The following CRYBG1 variants were observed in gnomAD, a reference collection of about 807,000 sequenced individuals.
CRYBG1 encodes beta/gamma crystallin domain-containing protein 1.
In CRYBG1, 139 loss-of-function variants were observed where a neutral mutation model predicts 189.2. The observed-to-expected ratio is 0.73, with a 90% CI of 0.64 to 0.85. The LOEUF is 0.85. Ranked by LOEUF, CRYBG1 falls within the 40% of genes least tolerant of loss-of-function variation. CRYBG1 has a pLI of 0.00. For missense variants in CRYBG1, 2,611 were observed against 2,675.8 expected, an observed-to-expected ratio of 0.98 and a Z score of 0.53; for synonymous variants, 1,023 against 1,017.1, an observed-to-expected ratio of 1.01 and a Z score of -0.11.
chr6:106,481,240 C>T lies in CRYBG1; in HGVS notation c.312+29408C>T, dbSNP rs1772447144. ...CCGCCCGCCTCGGCCTCCCAAAGTGCTGGGATTACAGGCGTGAGCCACCGC... is the reference window on the plus strand; with the variant it reads ...CCGCCCGCCTCGGCCTCCCAAAGTGTTGGGATTACAGGCGTGAGCCACCGC... On this transcript the variant is annotated intron_variant, in intron 2 of 21. Transcript: ENST00000633556. Among the ~76,000 whole-genome samples, 2 of 58,844 alleles carry T rather than the reference C, an allele frequency of 3.4e-5. 1 individual carries two copies. Among genetic ancestry groups the T allele is most frequent in the South Asian group, 8.2e-4 (2 of 2,430 alleles). 38.6% of individuals were successfully genotyped at this position (58,844 alleles called of 152,430 possible).
intron 8 of CRYBG1, among the ~76,000 whole-genome samples, chr6:106,534,177 G>A (rs1773937692): frequency 1.3e-5 from 2 of 152,172 alleles, no homozygotes; most frequent in South Asian, 4.1e-4. Flanking sequence ...AAGGTGCCAT[G>A]ACTCAGGCTT....
chr6:106,525,988 A>C (rs1280776691), intron 6 of CRYBG1, among the ~76,000 whole-genome samples: 1 of 152,176 alleles, frequency 6.6e-6, no homozygotes, highest in Non-Finnish European at 1.5e-5. Flanking sequence ...AAAAAAATAA[A>C]TATTTTGACA....
intron 1 of CRYBG1, among the ~76,000 whole-genome samples, chr6:106,425,965 A>G (rs1771217112): frequency 6.6e-6 from 1 of 152,194 alleles, no homozygotes; most frequent in Non-Finnish European, 1.5e-5. Flanking sequence ...ATGACCACAT[A>G]TGCTGCATGG....
intron 2 of CRYBG1, among the ~76,000 whole-genome samples, chr6:106,468,893 C>T (rs1217084533): frequency 2.0e-5 from 3 of 152,172 alleles, no homozygotes; most frequent in Non-Finnish European, 4.4e-5. Context: ...CTTTTGTATT[C>T]TTACTCCCTA....
intron 6 of CRYBG1, among the ~76,000 whole-genome samples, chr6:106,526,915 T>C (rs1248575746): frequency 8.3e-6 from 1 of 120,620 alleles, no homozygotes; most frequent in African/African-American, 3.3e-5. Context: ...CACTCTAGCC[T>C]GGGCAACAGA....
chr6:106,396,505 A>C (rs11755265), intron 1 of CRYBG1, among the ~76,000 whole-genome samples: 12,320 of 152,252 alleles, frequency 0.081, 645 homozygotes, highest in East Asian at 0.15. Flanking sequence ...TTTATTCTTT[A>C]TGACAAACTT....
intron 1 of CRYBG1, among the ~76,000 whole-genome samples, chr6:106,403,840 A>T (rs1582743657): frequency 6.6e-6 from 1 of 152,330 alleles, no homozygotes; most frequent in East Asian, 1.9e-4. Context: ...TAGCAACTTG[A>T]GGTGATCTAA....
At chr6:106,438,677 A>G (rs1373556083) in intron 1 of CRYBG1, among the ~76,000 whole-genome samples, 1 of 152,072 alleles carries the variant, frequency 6.6e-6, no homozygotes, top group Non-Finnish European at 1.5e-5. Context: ...TTTGCATGGT[A>G]TTTCTTCGGT....
chr6:106,490,356 A>AG (rs1030499155), intron 2 of CRYBG1, among the ~76,000 whole-genome samples: 1 of 152,208 alleles, frequency 6.6e-6, no homozygotes, highest in Non-Finnish European at 1.5e-5. Context: ...AGCTTAGTTT[A>AG]GGGGGGAGCA....
rs759180600 is a variant in CRYBG1, at chr6:106,511,599, C to CAG, written c.493_494dup (p.Ser165ArgfsTer12). On this transcript the variant is annotated frameshift_variant, in exon 3 of 22. Coordinates refer to ENST00000633556, the MANE Select transcript of CRYBG1 (RefSeq NM_001371242.2). LOFTEE classifies it high-confidence loss of function. ...GATGTGGTAGCCTCTCCTAAGCTCC[C>CAG]AGAGAGAGAGAGTGAGAGGAGCAGA... The CAG allele has an allele frequency of 3.5e-5, 54 of 1,535,474 alleles. No homozygotes were observed. The highest frequency in any genetic ancestry group is 5.5e-5 in the African/African-American group (4 of 72,992).
chr6:106,552,413 C>A, intron 15 of CRYBG1, 197 bp downstream of exon 15: 1 of 277,544 alleles, frequency 3.6e-6, no homozygotes, highest in Non-Finnish European at 6.8e-6. Flanking sequence ...TGGGGAAACC[C>A]CGTCTTTACT....
Position 106,511,527 on chromosome 6 carries a change from G to C in CRYBG1, c.410G>C (p.Gly137Ala). Residue 137 changes from glycine to alanine, a missense_variant, in exon 3 of 22, where the codon GGG becomes GCG. By Grantham distance (60) the Gly-to-Ala change is moderately conservative. Transcript: ENST00000633556. ...GGAAGGAGAAGAAACAGTAGAAACG[G>C]GTTAGAGAGTCCCACCAGATCAAAT... ...TAGRRRNSRN[G>A]LESPTRSNAK... 1 of 1,535,722 alleles carries C rather than the reference G, an allele frequency of 6.5e-7. No homozygotes were observed. The highest frequency in any genetic ancestry group is 8.7e-7 in the Non-Finnish European group (1 of 1,146,596).
At chr6:106,434,452 C>G (rs1771417309) in intron 1 of CRYBG1, among the ~76,000 whole-genome samples, 1 of 151,938 alleles carries the variant, frequency 6.6e-6, no homozygotes, top group Non-Finnish European at 1.5e-5. Flanking sequence ...TAAACTTGAC[C>G]TTGAGTTGTA....
chr6:106,395,402 AT>A (rs1182046076), intron 1 of CRYBG1, among the ~76,000 whole-genome samples: 5 of 151,316 alleles, frequency 3.3e-5, no homozygotes, highest in Non-Finnish European at 7.4e-5. Flanking sequence ...AATTTATGCC[AT>A]TATTTTTGTA....
At chr6:106,373,146 G>T (rs1770073977) in intron 1 of CRYBG1, among the ~76,000 whole-genome samples, 1 of 152,104 alleles carries the variant, frequency 6.6e-6, no homozygotes, top group Non-Finnish European at 1.5e-5. Flanking sequence ...CACCCTACTT[G>T]GTCCCATTGT....
rs76262574 is a variant in CRYBG1, at chr6:106,388,015, A to G, written c.173+26934A>G. On this transcript the variant is annotated intron_variant, in intron 1 of 21. Transcript: ENST00000633556. ...TGTGCCAGGTTAGGGCATTGGTAGG[A>G]AGGCCATGTGTCCTGGTTTATGCCT... Among the ~76,000 whole-genome samples, 453 of 152,230 alleles carry G rather than the reference A, an allele frequency of 3.0e-3. 2 individuals are homozygous for G. The highest frequency in any genetic ancestry group is 0.014 in the Middle Eastern group (4 of 294).
intron 1 of CRYBG1, among the ~76,000 whole-genome samples, chr6:106,409,508 A>G (rs1349273110): frequency 1.3e-5 from 2 of 152,164 alleles, no homozygotes; most frequent in East Asian, 1.9e-4. Context: ...TCTTCACAGA[A>G]TTAGAAAAAA....
chr6:106,377,649 T>TATATATATATA, intron 1 of CRYBG1, among the ~76,000 whole-genome samples: 1 of 129,992 alleles, frequency 7.7e-6, no homozygotes, highest in Middle Eastern at 3.8e-3. Flanking sequence ...ATATATATAT[T>TATATATATATA]TTCATTTGCA....
At position 106,404,543 on chromosome 6, in the gene CRYBG1, T is replaced by C. The variant is rs147475252; in HGVS notation, c.173+43462T>C. Among the ~76,000 whole-genome samples the C allele has an allele frequency of 1.6e-3, 247 of 152,298 alleles. 3 individuals carry two copies. Among genetic ancestry groups the C allele is most frequent in the African/African-American group, 5.6e-3 (231 of 41,566 alleles). The stretch of plus-strand genomic sequence containing the variant: ...GTCACATAATATCTTCACTGATATC[T>C]TGGCTGAAAGAGTGGGAGAGTAAGA... On this transcript the variant is annotated intron_variant, in intron 1 of 21. Transcript: ENST00000633556.
Sources: allele counts gnomAD v4.1 joint callset (sites outside exome capture counted in the v4.1 genomes callset), GRCh38; gene constraint gnomAD v4.1.1; transcripts MANE v1.5; gene names NCBI Gene and HGNC (gene_info 2026-07-23, HGNC 2026-07-21).